RPH3A: variants seen among roughly 807,000 people sequenced by gnomAD.
The protein encoded by RPH3A is rabphilin 3A.
A neutral mutation model predicts 102.2 loss-of-function variants in RPH3A; 48 were observed. The ratio of observed to expected loss-of-function variants is 0.47; its 90% CI spans 0.37 to 0.60. RPH3A has a LOEUF of 0.60. RPH3A is among the 20% of genes least tolerant of loss of function. The pLI is 0.00. For synonymous variants in RPH3A, 310 were observed against 324.3 expected, an observed-to-expected ratio of 0.96 and a Z score of 0.47; for missense variants, 781 against 910.1, an observed-to-expected ratio of 0.86 and a Z score of 1.83.
intron 1 of RPH3A, among the ~76,000 whole-genome samples, chr12:112,774,362 TA>T (rs1039331061): frequency 2.0e-5 from 3 of 152,192 alleles, no homozygotes; most frequent in Non-Finnish European, 4.4e-5. Context: ...TAAATGTAAC[TA>T]AAATATTTAT....
At chr12:112,857,173 C>T (rs1442513598) in intron 5 of RPH3A, among the ~76,000 whole-genome samples, 1 of 152,110 alleles carries the variant, frequency 6.6e-6, no homozygotes, top group Non-Finnish European at 1.5e-5. Context: ...GCTTGGCTTG[C>T]CTGACATCCA....
chr12:112,601,016 A>T (rs2039554794), intron 1 of RPH3A, among the ~76,000 whole-genome samples: 1 of 152,132 alleles, frequency 6.6e-6, no homozygotes, highest in Non-Finnish European at 1.5e-5. Context: ...CATGAGAGGC[A>T]CTCATTATCA....
At chr12:112,731,279 G>A (rs553263366) in intron 1 of RPH3A, among the ~76,000 whole-genome samples, 6 of 152,128 alleles carry the variant, frequency 3.9e-5, no homozygotes, top group African/African-American at 9.6e-5. Flanking sequence ...AGAAGAATAA[G>A]TCAATGAATA....
chr12:112,727,508 A>G (rs1366443471), intron 1 of RPH3A, among the ~76,000 whole-genome samples: 2 of 94,928 alleles, frequency 2.1e-5, no homozygotes, highest in East Asian at 6.6e-4. Flanking sequence ...CCCCCCCCAC[A>G]CACATATATA....
At chr12:112,576,066 A>T (rs1256937727) in intron 1 of RPH3A, among the ~76,000 whole-genome samples, 3 of 152,204 alleles carry the variant, frequency 2.0e-5, no homozygotes, top group Non-Finnish European at 4.4e-5. Context: ...TTATTCATTC[A>T]TTGAATCCTC....
chr12:112,664,625 GGAAA>G (rs1390261422), intron 1 of RPH3A, among the ~76,000 whole-genome samples: 1 of 152,144 alleles, frequency 6.6e-6, no homozygotes, highest in East Asian at 1.9e-4. Context: ...TCATTATAAG[GGAAA>G]GAGAGAGAGG....
At chr12:112,704,578 A>G (rs1452588814) in intron 1 of RPH3A, among the ~76,000 whole-genome samples, 2 of 152,204 alleles carry the variant, frequency 1.3e-5, no homozygotes, top group East Asian at 3.9e-4. Context: ...TATCTAAGAA[A>G]CTGGGAAAGC....
At chr12:112,806,585 C>T (rs770301981) in intron 2 of RPH3A, among the ~76,000 whole-genome samples, 9 of 151,760 alleles carry the variant, frequency 5.9e-5, no homozygotes, top group African/African-American at 9.7e-5. Flanking sequence ...GTCGAGATCA[C>T]GCCACTGCAC....
chr12:112,746,386 C>T (rs2040746077), intron 1 of RPH3A, among the ~76,000 whole-genome samples: 1 of 152,094 alleles, frequency 6.6e-6, no homozygotes, highest in Non-Finnish European at 1.5e-5. Context: ...CCACAGCCAC[C>T]ACCCAGAGTC....
At chr12:112,889,306 G>A (rs1302705549) in intron 17 of RPH3A, among the ~76,000 whole-genome samples, 1 of 152,198 alleles carries the variant, frequency 6.6e-6, no homozygotes, top group Admixed American at 6.5e-5. Context: ...CAATGGCCAG[G>A]CCCTTGCCTG....
rs78261443 is a variant in RPH3A at position 112,825,232 on chromosome 12, C to T, written c.-18-3069C>T. ...TTTTTGAAGTAGAAACAATGAAATG[C>T]CCATATTAATCTGGGAAGATGATGT... On this transcript the variant is annotated intron_variant, in intron 2 of 21. Coordinates refer to ENST00000389385, the MANE Select transcript of RPH3A (RefSeq NM_001143854.2). 6.7e-3 allele frequency among the ~76,000 whole-genome samples: 1,025 copies of T among 152,280 alleles called. 14 individuals are homozygous for T. Among genetic ancestry groups the T allele is most frequent in the African/African-American group, 0.023 (969 of 41,548 alleles).
chr12:112,724,266 T>C (rs746896865), intron 1 of RPH3A, among the ~76,000 whole-genome samples: 1 of 152,150 alleles, frequency 6.6e-6, no homozygotes, highest in Non-Finnish European at 1.5e-5. Context: ...GGTCTCACTA[T>C]GTTGCCCAGG....
intron 1 of RPH3A, among the ~76,000 whole-genome samples, chr12:112,681,612 C>A (rs2040226659): frequency 6.6e-6 from 1 of 152,174 alleles, no homozygotes; most frequent in South Asian, 2.1e-4. Flanking sequence ...GTAGTGTCCA[C>A]ATTACAGGAA....
At chr12:112,846,846 CG>C (rs2042237590) in intron 4 of RPH3A, among the ~76,000 whole-genome samples, 1 of 152,176 alleles carries the variant, frequency 6.6e-6, no homozygotes, top group Non-Finnish European at 1.5e-5. Flanking sequence ...GAACCATTGC[CG>C]GGGCCACAGA....
At chr12:112,688,076 G>A (rs1566259514) in intron 1 of RPH3A, among the ~76,000 whole-genome samples, 1 of 152,134 alleles carries the variant, frequency 6.6e-6, no homozygotes, top group African/African-American at 2.4e-5. Flanking sequence ...GGATGTAAAT[G>A]TATAGTTATA....
intron 1 of RPH3A, among the ~76,000 whole-genome samples, chr12:112,590,082 C>CAAAA (rs766520725): frequency 8.7e-6 from 1 of 114,856 alleles, no homozygotes. Flanking sequence ...GACTCCATCT[C>CAAAA]AAAAAAAAAA....
At chr12:112,888,990 T>C (rs918865684) in intron 17 of RPH3A, among the ~76,000 whole-genome samples, 1 of 150,224 alleles carries the variant, frequency 6.7e-6, no homozygotes, top group Non-Finnish European at 1.5e-5. Context: ...CCAGCACCCC[T>C]GGTCTCTCTG....
intron 1 of RPH3A, among the ~76,000 whole-genome samples, chr12:112,784,766 T>A (rs962413262): frequency 6.6e-6 from 1 of 152,184 alleles, no homozygotes; most frequent in African/African-American, 2.4e-5. Context: ...GAAAATGCAG[T>A]CAGCCTTCAA....
intron 1 of RPH3A, among the ~76,000 whole-genome samples, chr12:112,727,405 AAAT>A (rs1254679159): frequency 5.1e-4 from 67 of 131,380 alleles, no homozygotes; most frequent in African/African-American, 1.7e-3. Context: ...AAAAAAAAAA[AAAT>A]ATATATATAT....
Sources: allele counts gnomAD v4.1 joint callset (sites outside exome capture counted in the v4.1 genomes callset), GRCh38; gene constraint gnomAD v4.1.1; transcripts MANE v1.5; gene names NCBI Gene and HGNC (gene_info 2026-07-23, HGNC 2026-07-21).